The following ZFHX3 variants were observed in gnomAD, a reference collection of about 807,000 sequenced individuals.
The protein encoded by ZFHX3 is zinc finger homeobox 3, also known as zinc finger homeobox protein 3.
In ZFHX3, 42 loss-of-function variants were observed where a neutral mutation model predicts 279.1. The observed-to-expected ratio is 0.15, with a 90% confidence interval of 0.12 to 0.19. The LOEUF is 0.19. Ranked by LOEUF, ZFHX3 falls within the 10% of genes least tolerant of loss-of-function variation. The probability of loss-of-function intolerance (pLI) is 1.00; values close to 1 mark genes in which losing one functional copy is unlikely to be tolerated. For synonymous variants in ZFHX3, 2,293 were observed against 1,957.8 expected, an observed-to-expected ratio of 1.17 and a Z score of -4.52; for missense variants, 4,981 against 4,754.0, an observed-to-expected ratio of 1.05 and a Z score of -1.40.
intron 2 of ZFHX3, among the ~76,000 whole-genome samples, chr16:73,478,614 T>C (rs1215274715): frequency 6.6e-6 from 1 of 152,192 alleles, no homozygotes; most frequent in Non-Finnish European, 1.5e-5. Flanking sequence ...TCCTTTTCTC[T>C]TCAAAGTGTT....
intron 2 of ZFHX3, among the ~76,000 whole-genome samples, chr16:73,559,100 T>C (rs1487429843): frequency 6.6e-6 from 1 of 151,786 alleles, no homozygotes; most frequent in African/African-American, 2.4e-5. Flanking sequence ...CTAGCTGGAG[T>C]GCAGTGGTGC....
intron 4 of ZFHX3, among the ~76,000 whole-genome samples, chr16:72,877,650 G>A (rs1434085168): frequency 1.3e-5 from 2 of 152,196 alleles, no homozygotes; most frequent in Non-Finnish European, 2.9e-5. Context: ...TGGGCGGTGA[G>A]TCACTAGGAA....
At chr16:73,638,946 A>G (rs1394307201) in intron 2 of ZFHX3, among the ~76,000 whole-genome samples, 2 of 152,152 alleles carry the variant, frequency 1.3e-5, no homozygotes, top group African/African-American at 4.8e-5. Context: ...CTTCATTGAG[A>G]CCTACTGAAA....
intron 2 of ZFHX3, among the ~76,000 whole-genome samples, chr16:73,628,089 C>G (rs954254667): frequency 3.9e-5 from 6 of 152,122 alleles, no homozygotes; most frequent in Non-Finnish European, 2.9e-5. Flanking sequence ...ACAATGGTAT[C>G]TATTTTATCA....
At chr16:73,060,036 T>C (rs1567654814), upstream of ZFHX3, among the ~76,000 whole-genome samples, 1 of 152,166 alleles carries the variant, frequency 6.6e-6, no homozygotes, top group Non-Finnish European at 1.5e-5. Context: ...AATTTTCTCG[T>C]GTGAAACCTG....
At chr16:73,357,781 T>G (rs1210538286) in intron 3 of ZFHX3, among the ~76,000 whole-genome samples, 2 of 152,192 alleles carry the variant, frequency 1.3e-5, no homozygotes, top group Admixed American at 1.3e-4. Context: ...CGGGTCACTC[T>G]GTCAGACTCC....
intron 4 of ZFHX3, among the ~76,000 whole-genome samples, chr16:73,298,733 G>C (rs1190196330): frequency 6.6e-6 from 1 of 152,134 alleles, no homozygotes; most frequent in Admixed American, 6.5e-5. Context: ...AGACAGGCAT[G>C]GGGGCAGGGA....
At chr16:73,647,959 C>CA (rs1247890379) in intron 2 of ZFHX3, among the ~76,000 whole-genome samples, 25 of 151,338 alleles carry the variant, frequency 1.7e-4, no homozygotes, top group South Asian at 1.3e-3. Context: ...GATGCATAAA[C>CA]AAAAAAAAAT....
intron 2 of ZFHX3, among the ~76,000 whole-genome samples, chr16:73,641,147 A>C (rs957627222): frequency 3.9e-5 from 6 of 152,228 alleles, no homozygotes; most frequent in Non-Finnish European, 7.3e-5. Flanking sequence ...TTAAGTTCTC[A>C]AGACATTTAC....
At chr16:73,292,212 G>A (rs1317511130) in intron 4 of ZFHX3, among the ~76,000 whole-genome samples, 1 of 152,188 alleles carries the variant, frequency 6.6e-6, no homozygotes, top group Non-Finnish European at 1.5e-5. Flanking sequence ...AGAAAGAAGT[G>A]GAATCAGGGC....
intron 4 of ZFHX3, among the ~76,000 whole-genome samples, chr16:73,259,937 T>C (rs1393946001): frequency 6.6e-6 from 1 of 152,220 alleles, no homozygotes; most frequent in East Asian, 1.9e-4. Context: ...GTATATCTTA[T>C]CCAAATTTTT....
intron 5 of ZFHX3, among the ~76,000 whole-genome samples, chr16:73,205,948 A>G (rs1466448451): frequency 2.0e-5 from 3 of 152,222 alleles, no homozygotes; most frequent in Non-Finnish European, 4.4e-5. Context: ...ACAATTTACA[A>G]TTTGGCTGAA....
chr16:73,221,682 C>G (rs1402339143), intron 5 of ZFHX3, among the ~76,000 whole-genome samples: 1 of 152,086 alleles, frequency 6.6e-6, no homozygotes. Context: ...AGTACTGTTT[C>G]TTTTTCTGAA....
At chr16:73,613,454 G>GT in intron 2 of ZFHX3, among the ~76,000 whole-genome samples, 1 of 144,808 alleles carries the variant, frequency 6.9e-6, no homozygotes. Flanking sequence ...TTGTTTGTTT[G>GT]TTTTTTGGAT....
At chr16:73,347,455 G>C (rs2016144176) in intron 3 of ZFHX3, among the ~76,000 whole-genome samples, 1 of 152,224 alleles carries the variant, frequency 6.6e-6, no homozygotes, top group Non-Finnish European at 1.5e-5. Flanking sequence ...GACTCAGCCT[G>C]TTCCTCACCC....
In ZFHX3 at chr16:72,796,826, A is replaced by C. The variant is rs768878428; in HGVS notation, c.5856T>G (p.Phe1952Leu). The C allele has an allele frequency of 3.1e-6, 5 of 1,613,340 alleles. No individual in the cohort carries two copies. Among genetic ancestry groups the C allele is most frequent in the Non-Finnish European group, 4.2e-6 (5 of 1,179,932 alleles). The stretch of plus-strand genomic sequence containing the variant: ...TATACTGGATGACCAACTCAAAGCC[A>C]AAGTTCTCCAGCAGGGCCTTGGTGG... ...GNATKALLEN[F>L]GFELVIQYNE... Residue 1952 changes from phenylalanine to leucine, a missense_variant, in exon 9 of 10, where the codon TTT (phenylalanine) becomes TTG (leucine). Transcript: ENST00000268489.
At position 72,787,941 on chromosome 16, in the gene ZFHX3, T is replaced by C; in HGVS notation, c.10335A>G (p.Glu3445=). 3.1e-6 allele frequency: 5 copies of C among 1,613,714 alleles called. No homozygotes were observed. Among genetic ancestry groups the C allele is most frequent in the Non-Finnish European group, 4.2e-6 (5 of 1,179,922 alleles). Residue 3445 remains glutamate (E), a synonymous_variant, in exon 10 of 10, where the codon GAA becomes GAG. Coordinates refer to ENST00000268489, the MANE Select transcript of ZFHX3 (RefSeq NM_006885.4). Reference sequence around the variant, plus strand: ...CGTAGAGGGAGTCCGCACTTTTGCTTTCTGCTTCTGGCTCTTCAGGGAGTT... The same window carrying C: ...CGTAGAGGGAGTCCGCACTTTTGCTCTCTGCTTCTGGCTCTTCAGGGAGTT... The part of the protein sequence containing the change: ...LPKLPEEPEA[E]SKSADSLYDP...
chr16:72,800,604 G>A (rs900719033), intron 7 of ZFHX3, among the ~76,000 whole-genome samples: 2 of 152,190 alleles, frequency 1.3e-5, no homozygotes, highest in Non-Finnish European at 2.9e-5. Context: ...GAGGAGGGGA[G>A]TAAGAGTGAA....
At chr16:73,672,420 T>A (rs2052913135) in intron 2 of ZFHX3, among the ~76,000 whole-genome samples, 1 of 152,186 alleles carries the variant, frequency 6.6e-6, no homozygotes, top group Non-Finnish European at 1.5e-5. Context: ...AAAACGCCAT[T>A]ACAACAGCAT....
Sources: gnomAD v4.1 joint callset for allele counts (sites outside exome capture counted in the v4.1 genomes callset) on GRCh38, gnomAD v4.1.1 for gene constraint, MANE v1.5 for transcripts, NCBI Gene and HGNC (gene_info 2026-07-23, HGNC 2026-07-21) for gene names.